ENPP3: variants seen among roughly 807,000 people sequenced by gnomAD.
The protein encoded by ENPP3 is ectonucleotide pyrophosphatase/phosphodiesterase family member 3.
ENPP3 carries 104 observed loss-of-function variants against 117.8 expected under a neutral mutation model. The observed-to-expected ratio is 0.88, with a 90% CI of 0.75 to 1.04. The LOEUF is 1.04. ENPP3 is among the 50% of genes least tolerant of loss of function. ENPP3 has a pLI of 0.00. For missense variants in ENPP3, 1,026 were observed against 1,051.9 expected (o/e 0.98, Z 0.34); for synonymous variants, 380 against 349.9 (o/e 1.09, Z -0.96).
rs1260410925 is a variant in ENPP3 at position 131,718,881 on chromosome 6, A to C, written c.1479+143A>C. ...CATTACTCAGATGTTAAGCCTAGTTACTGCTTTTTTAAAACAGATATTTAT... is the reference window on the plus strand; with the variant it reads ...CATTACTCAGATGTTAAGCCTAGTTCCTGCTTTTTTAAAACAGATATTTAT... On this transcript the variant is annotated intron_variant, in intron 16 of 24. Coordinates refer to ENST00000357639, the MANE Select transcript of ENPP3 (RefSeq NM_005021.5). The C allele has an allele frequency of 5.9e-6, 3 of 511,610 alleles. No individual in the cohort carries two copies. In the African/African-American group the frequency reaches 5.9e-5, roughly 10 times the overall value. The allele number at this position is 511,610 out of a possible 1,614,324, so 31.7% of individuals were successfully genotyped here. A position where few individuals can be genotyped will look rare whatever the true frequency, so the allele number is the denominator to read the frequency against.
chr6:131,650,049 T>C lies in ENPP3; in HGVS notation c.177T>C (p.Phe59=). ...TAGGCAGCTGCAGGAAGAAGTGCTT[T>C]GATGCATCATTTAGAGGACTGGAGA... ...EKQGSCRKKC[F]DASFRGLENC... is the part of the protein sequence containing the mutation. The change falls in exon 3 of 25, where the codon TTT becomes TTC. Residue 59 remains phenylalanine, a synonymous_variant. Coordinates refer to ENST00000357639, the MANE Select transcript of ENPP3 (RefSeq NM_005021.5). 1 of 1,614,024 alleles carries C rather than the reference T, an allele frequency of 6.2e-7. No homozygotes were observed. The highest frequency in any genetic ancestry group is 1.3e-5 in the African/African-American group (1 of 75,030).
chr6:131,641,589 A>G (rs1585606770), intron 2 of ENPP3, 59 bp downstream of exon 2: 1 of 1,069,106 alleles, frequency 9.4e-7, no homozygotes, highest in Non-Finnish European at 1.4e-6. Context: ...TCTGGCCTTA[A>G]TTCATTAAAA....
At chr6:131,697,589 TG>T (rs1339909501) in intron 15 of ENPP3, among the ~76,000 whole-genome samples, 1 of 151,616 alleles carries the variant, frequency 6.6e-6, no homozygotes, top group Non-Finnish European at 1.5e-5. Context: ...TGCAACTAGA[TG>T]GTCCTATCTG....
Position 131,685,367 on chromosome 6 carries a change from T to C in ENPP3, c.1124T>C (p.Met375Thr), listed in dbSNP as rs745354847. 1.6e-5 allele frequency: 25 copies of C among 1,608,320 alleles called. No individual in the cohort carries two copies. The East Asian group carries it at 5.4e-4, about 34-fold the overall frequency. ...VNIILLADHG[M>T]DQTYCNKMEY... Reference sequence around the variant, plus strand: ...TTATGATTATTTTTTTATTCAGGAATGGACCAGACTTATTGTAACAAGATG... The same window carrying C: ...TTATGATTATTTTTTTATTCAGGAACGGACCAGACTTATTGTAACAAGATG... The change falls in exon 13 of 25, where the codon ATG (methionine) becomes ACG (threonine). Residue 375 changes from methionine (M) to threonine (T), a missense_variant. Physicochemically the swap from Met to Thr is moderately conservative, Grantham distance 81. Transcript: ENST00000357639.
chr6:131,738,904 A>G (rs1169901570), intron 23 of ENPP3, among the ~76,000 whole-genome samples: 4 of 152,144 alleles, frequency 2.6e-5, no homozygotes, highest in Non-Finnish European at 5.9e-5. Flanking sequence ...GCCTTTTTCT[A>G]TTTTGTTCAC....
At chr6:131,743,840 A>AAAATG (rs1364489363) in intron 24 of ENPP3, among the ~76,000 whole-genome samples, 2 of 151,908 alleles carry the variant, frequency 1.3e-5, no homozygotes, top group Non-Finnish European at 2.9e-5. Context: ...AAAATAAAAT[A>AAAATG]AAATAAAATA....
At chr6:131,727,197 A>G (rs1371657275) in intron 20 of ENPP3, among the ~76,000 whole-genome samples, 1 of 152,222 alleles carries the variant, frequency 6.6e-6, no homozygotes, top group Non-Finnish European at 1.5e-5. Context: ...CTACATGAAC[A>G]AAGGATAGGA....
At chr6:131,653,037 G>A in intron 5 of ENPP3, 146 bp downstream of exon 5, 1 of 505,876 alleles carries the variant, frequency 2.0e-6, no homozygotes, top group South Asian at 4.4e-5. Context: ...ATTTCTTGTG[G>A]CTTCCAAGTT....
At position 131,733,588 on chromosome 6, in the gene ENPP3, G is replaced by A. The variant is rs1307902708; in HGVS notation, c.1954G>A (p.Gly652Arg). The change falls in exon 21 of 25, where the codon GGA becomes AGA. Residue 652 changes from glycine to arginine, a missense_variant and splice_region_variant. Coordinates refer to ENST00000357639, the MANE Select transcript of ENPP3 (RefSeq NM_005021.5). ...TTTTTTTCTCTCTCTCTTTGAACAG[G>A]GAGACACATCGCCTCTGCCTCCCAC... is the stretch of plus-strand genomic sequence containing the variant. Reference protein sequence around the residue: ...MWSSYTVPQLGDTSPLPPTVP... With the variant: ...MWSSYTVPQLRDTSPLPPTVP... The A allele has an allele frequency of 6.8e-6, 11 of 1,611,864 alleles. No individual in the cohort carries two copies. Among genetic ancestry groups the A allele is most frequent in the African/African-American group, 1.3e-5 (1 of 74,872 alleles).
intron 18 of ENPP3, among the ~76,000 whole-genome samples, chr6:131,723,228 T>G (rs538759990): frequency 5.3e-5 from 8 of 152,222 alleles, no homozygotes; most frequent in African/African-American, 1.9e-4. Context: ...CAGAAGTAGG[T>G]GAAGACATCA....
intron 21 of ENPP3, among the ~76,000 whole-genome samples, chr6:131,736,391 A>G (rs945173112): frequency 6.6e-6 from 1 of 152,244 alleles, no homozygotes; most frequent in African/African-American, 2.4e-5. Context: ...ACAAAGGAAG[A>G]GCAAAGAGAT....
chr6:131,733,694 A>T lies in ENPP3; in HGVS notation c.2060A>T (p.Asn687Ile). 1 of 1,614,100 alleles carries T rather than the reference A, an allele frequency of 6.2e-7. No homozygotes were observed. The highest frequency in any genetic ancestry group is 8.5e-7 in the Non-Finnish European group (1 of 1,179,978). The stretch of plus-strand genomic sequence containing the variant: ...TGTTCCTTCTATTTAGCAGACAAGA[A>T]TATCACCCACGGCTTCCTCTATCCT... ...QKCSFYLADK[N>I]ITHGFLYPPA... Residue 687 changes from asparagine to isoleucine, a missense_variant, in exon 21 of 25, where the codon AAT becomes ATT. Transcript: ENST00000357639.
chr6:131,700,183 G>C, intron 15 of ENPP3: 1 of 83,046 alleles, frequency 1.2e-5, no homozygotes, highest in South Asian at 9.9e-5. Context: ...CATTATGGGA[G>C]GTATGGGACT....
intron 4 of ENPP3, 63 bp downstream of exon 4, chr6:131,652,730 AGAGCCATGCTAG>A (rs1158466079): frequency 7.5e-6 from 12 of 1,607,594 alleles, no homozygotes; most frequent in Non-Finnish European, 1.0e-5. Flanking sequence ...TGAGTTTCCT[AGAGCCATGCTAG>A]GCTGCAAAAA....
chr6:131,639,401 C>T (rs1407425640), intron 1 of ENPP3, among the ~76,000 whole-genome samples: 1 of 151,638 alleles, frequency 6.6e-6, no homozygotes. Flanking sequence ...CTTCCCATCT[C>T]AGCCTCCCGA....
At chr6:131,717,117 T>G (rs1009740074) in intron 15 of ENPP3, among the ~76,000 whole-genome samples, 6 of 152,156 alleles carry the variant, frequency 3.9e-5, no homozygotes, top group African/African-American at 1.4e-4. Context: ...GCTTTCCCCA[T>G]TCCAGGTACT....
chr6:131,713,403 C>T (rs1779828594), intron 15 of ENPP3, among the ~76,000 whole-genome samples: 1 of 149,584 alleles, frequency 6.7e-6, no homozygotes, highest in African/African-American at 2.5e-5. Flanking sequence ...TATTTGGTGT[C>T]AAGTAGCCAA....
At chr6:131,682,855 A>C (rs867955935) in intron 11 of ENPP3, among the ~76,000 whole-genome samples, 199 bp from the exon 12 acceptor site, 3 of 152,206 alleles carry the variant, frequency 2.0e-5, no homozygotes, top group Non-Finnish European at 4.4e-5. Flanking sequence ...AGTATGATTT[A>C]GATTTTTGTT....
At chr6:131,681,677 A>G (rs865911343) in intron 11 of ENPP3, among the ~76,000 whole-genome samples, 1 of 152,264 alleles carries the variant, frequency 6.6e-6, no homozygotes, top group African/African-American at 2.4e-5. Context: ...AACCACTGTC[A>G]ATAGTACTTT....
Sources: gnomAD v4.1 joint callset for allele counts (sites outside exome capture counted in the v4.1 genomes callset) on GRCh38, gnomAD v4.1.1 for gene constraint, MANE v1.5 for transcripts, NCBI Gene and HGNC (gene_info 2026-07-23, HGNC 2026-07-21) for gene names.